ANKFY1: variants seen among roughly 807,000 people sequenced by gnomAD.
ANKFY1 encodes ankyrin repeat and FYVE domain-containing protein 1.
In ANKFY1, 47 loss-of-function variants were observed where a neutral mutation model predicts 128.3. The ratio of observed to expected loss-of-function variants is 0.37; its 90% CI spans 0.29 to 0.47. The LOEUF is 0.47. Ranked by LOEUF, ANKFY1 falls within the 20% of genes least tolerant of loss-of-function variation. ANKFY1 has a pLI of 1.00. For missense variants in ANKFY1, 1,222 were observed against 1,510.6 expected (o/e 0.81, Z 3.17); for synonymous variants, 553 against 601.6 (o/e 0.92, Z 1.18).
At chr17:4,187,263 A>C (rs998064447) in intron 11 of ANKFY1, 1 of 398,508 alleles carries the variant, frequency 2.5e-6, no homozygotes, top group African/African-American at 2.1e-5. Flanking sequence ...CGTGTCACAG[A>C]CTGATTCTGC....
Position 4,235,776 on chromosome 17 carries a change from C to G in ANKFY1, c.318G>C (p.Leu106=), listed in dbSNP as rs778580186. The change falls in exon 3 of 25, where the codon CTG becomes CTC. Residue 106 remains leucine (L), a synonymous_variant. Coordinates refer to ENST00000341657, the MANE Select transcript of ANKFY1 (RefSeq NM_001330063.2). ...ANLSSTKELD[L]SDANPEVTMT... is the part of the protein sequence containing the mutation. ...CCTGATCACTCAAAGGCTCACCTGACAGGTCCAACTCTTTAGTGGAAGACA... is the reference window on the plus strand; with the variant it reads ...CCTGATCACTCAAAGGCTCACCTGAGAGGTCCAACTCTTTAGTGGAAGACA... The G allele has an allele frequency of 1.9e-6, 3 of 1,613,780 alleles. No individual in the cohort carries two copies. The African/African-American group carries it at 4.0e-5, about 22-fold the overall frequency.
At chr17:4,213,824 C>T (rs1015246193) in intron 4 of ANKFY1, among the ~76,000 whole-genome samples, 1 of 152,108 alleles carries the variant, frequency 6.6e-6, no homozygotes, top group Non-Finnish European at 1.5e-5. Context: ...CCACCCACCT[C>T]GGCCTCCCAA....
At chr17:4,230,197 G>A (rs2060491580) in intron 3 of ANKFY1, among the ~76,000 whole-genome samples, 1 of 152,152 alleles carries the variant, frequency 6.6e-6, no homozygotes, top group Non-Finnish European at 1.5e-5. Flanking sequence ...ACTGCAGAGT[G>A]CAAGCTTTCC....
At position 4,173,395 on chromosome 17, in the gene ANKFY1, G is replaced by A. The variant is rs1375438299; in HGVS notation, c.2973C>T (p.Leu991=). 8.7e-6 allele frequency: 14 copies of A among 1,614,094 alleles called. No homozygotes were observed. The highest frequency in any genetic ancestry group is 1.6e-4 in the Middle Eastern group (1 of 6,084). ...MHGRLNNIRV[L]LTECTVDAEA... ...CGGCGTCCACTGTGCACTCTGTCAG[G>A]AGAACCCGGATGTTGTTGAGCCGGC... Residue 991 remains leucine, a synonymous_variant, in exon 21 of 25, where the codon CTC becomes CTT. Transcript: ENST00000341657.
At chr17:4,243,932 ATT>A (rs113664000) in intron 1 of ANKFY1, among the ~76,000 whole-genome samples, 9 of 144,484 alleles carry the variant, frequency 6.2e-5, no homozygotes, top group African/African-American at 1.0e-4. Context: ...AAGATAAACA[ATT>A]TTTTTTTTTT....
intron 1 of ANKFY1, among the ~76,000 whole-genome samples, chr17:4,262,293 T>C (rs1228194802): frequency 6.6e-6 from 1 of 151,880 alleles, no homozygotes; most frequent in Admixed American, 6.6e-5. Flanking sequence ...CCGCCATCAC[T>C]CCATTCACTC....
At chr17:4,173,473 G>GC (rs1350706643) in intron 20 of ANKFY1, 29 bp from the exon 21 acceptor site, 1 of 1,604,284 alleles carries the variant, frequency 6.2e-7, no homozygotes, top group African/African-American at 1.3e-5. Flanking sequence ...TACTATGCAA[G>GC]CCCAGAAGCA....
At chr17:4,223,854 T>C in intron 3 of ANKFY1, 1 of 1,071,320 alleles carries the variant, frequency 9.3e-7, no homozygotes, top group Non-Finnish European at 1.4e-6. Flanking sequence ...TCCCACAGCA[T>C]CAGGAGAAAG....
chr17:4,259,415 G>C (rs779167393), intron 1 of ANKFY1, among the ~76,000 whole-genome samples: 2 of 152,158 alleles, frequency 1.3e-5, no homozygotes, highest in Non-Finnish European at 2.9e-5. Context: ...CTGAGCAGCT[G>C]GGATTACAGG....
chr17:4,263,850 C>T (rs1968561077), intron 1 of ANKFY1, 82 bp downstream of exon 1: 2 of 1,612,470 alleles, frequency 1.2e-6, no homozygotes, highest in Non-Finnish European at 1.7e-6. Context: ...GCCCGGCCTT[C>T]CCCTCCCACG....
In ANKFY1 at chr17:4,182,283, G is replaced by A. The variant is rs1325853404; in HGVS notation, c.2019C>T (p.Ala673=). 6.3e-7 allele frequency: 1 copy of A among 1,595,164 alleles called. No homozygotes were observed. The highest frequency in any genetic ancestry group is 1.3e-5 in the African/African-American group (1 of 74,742). Residue 673 remains alanine, a synonymous_variant, in exon 15 of 25, where the codon GCC becomes GCT. Coordinates refer to ENST00000341657, the MANE Select transcript of ANKFY1 (RefSeq NM_001330063.2). ...ACATGTCAGCTCCTCGGGTGCATAT[G>A]GCATCAACTACGAGTGGAAGCTGGT... The part of the protein sequence containing the change: ...IRNQLPLVVD[A]ICTRGADMSV...
At chr17:4,174,279 C>CCA in intron 19 of ANKFY1, among the ~76,000 whole-genome samples, 1 of 152,174 alleles carries the variant, frequency 6.6e-6, no homozygotes, top group African/African-American at 2.4e-5. Flanking sequence ...TGTTAAAGAG[C>CCA]CATTCCTTGG....
At chr17:4,174,539 C>G (rs2059379567) in intron 19 of ANKFY1, among the ~76,000 whole-genome samples, 1 of 152,024 alleles carries the variant, frequency 6.6e-6, no homozygotes, top group Admixed American at 6.5e-5. Flanking sequence ...TAGTATGATT[C>G]CATCTGGGGA....
chr17:4,226,888 AAT>A (rs1386222389), intron 3 of ANKFY1, among the ~76,000 whole-genome samples: 1 of 152,178 alleles, frequency 6.6e-6, no homozygotes, highest in South Asian at 2.1e-4. Context: ...ATAAATCACC[AAT>A]ACCCAAGAAT....
In ANKFY1 at chr17:4,165,855, A is replaced by G. The variant is rs1357875491; in HGVS notation, c.*1924T>C. 3.3e-5 allele frequency: 5 copies of G among 152,220 alleles called. No homozygotes were observed. The highest frequency in any genetic ancestry group is 1.2e-4 in the African/African-American group (5 of 41,450). 9.4% of individuals were successfully genotyped at this position (152,220 alleles called of 1,614,324 possible). On this transcript the variant is annotated 3_prime_UTR_variant, in exon 25 of 25. Coordinates refer to ENST00000341657, the MANE Select transcript of ANKFY1 (RefSeq NM_001330063.2). ...TTAAAGAACAGGTATCCATGTACCA[A>G]CCACTTCAATTCATATCCGAATCAT...
chr17:4,185,918 C>T (rs1427432213), intron 11 of ANKFY1, among the ~76,000 whole-genome samples: 1 of 152,160 alleles, frequency 6.6e-6, no homozygotes, highest in Non-Finnish European at 1.5e-5. Flanking sequence ...TTAGCTCCGT[C>T]TCTGTGGCCT....
At chr17:4,174,908 C>G (rs939803858) in intron 19 of ANKFY1, among the ~76,000 whole-genome samples, 1 of 151,874 alleles carries the variant, frequency 6.6e-6, no homozygotes, top group Non-Finnish European at 1.5e-5. Flanking sequence ...AAGAAAAATT[C>G]TGTAGAGACA....
chr17:4,181,863 G>A lies in ANKFY1; in HGVS notation c.2121+318C>T, dbSNP rs2059522769. ...TTGCAAACAAGGGAGATAAACCTAA[G>A]ATTGAGGAAATTATCACTATGGTGA... On this transcript the variant is annotated intron_variant, in intron 15 of 24. Transcript: ENST00000341657. The surrounding 1 kb of genome is among the most constrained non-coding windows in gnomAD (Gnocchi z 4.9). Among the ~76,000 whole-genome samples, 1 of 152,190 alleles carries A rather than the reference G, an allele frequency of 6.6e-6. No homozygotes were observed. The highest frequency in any genetic ancestry group is 1.5e-5 in the Non-Finnish European group (1 of 68,042).
chr17:4,189,118 T>C (rs1227275617), intron 11 of ANKFY1, among the ~76,000 whole-genome samples: 1 of 152,168 alleles, frequency 6.6e-6, no homozygotes, highest in East Asian at 1.9e-4. Flanking sequence ...TTAAAGTCCA[T>C]AGCATCTAGT....
Sources: gnomAD v4.1 joint callset for allele counts (sites outside exome capture counted in the v4.1 genomes callset) on GRCh38, gnomAD v4.1.1 for gene constraint, Gnocchi (gnomAD v3.1) non-coding constraint, MANE v1.5 for transcripts, NCBI Gene and HGNC (gene_info 2026-07-23, HGNC 2026-07-21) for gene names.